Variants in RIMS1 observed in about 807,000 individuals in gnomAD.
RIMS1 encodes regulating synaptic membrane exocytosis protein 1.
RIMS1 carries 83 observed loss-of-function variants against 214.1 expected under a neutral mutation model. The ratio of observed to expected loss-of-function variants is 0.39; its 90% CI spans 0.32 to 0.47. RIMS1 has a LOEUF of 0.47. Among genes scored for constraint, RIMS1 ranks in the 20% least tolerant of loss-of-function variants. The pLI is 0.99. For synonymous variants in RIMS1, 793 were observed against 786.8 expected (o/e 1.01, Z -0.13); for missense variants, 2,050 against 2,161.8 (o/e 0.95, Z 1.03).
At chr6:72,108,276 AC>A (rs1485769743) in intron 4 of RIMS1, among the ~76,000 whole-genome samples, 1 of 151,530 alleles carries the variant, frequency 6.6e-6, no homozygotes, top group Non-Finnish European at 1.5e-5. Context: ...GTATGTGGAG[AC>A]TGGGGTTTTA....
At chr6:72,298,970 A>C (rs928997100) in intron 26 of RIMS1, among the ~76,000 whole-genome samples, 1 of 151,928 alleles carries the variant, frequency 6.6e-6, no homozygotes, top group Admixed American at 6.6e-5. Flanking sequence ...TCCCTCTTTT[A>C]TGTTGAAAGC....
At chr6:72,335,757 T>C (rs914629834) in intron 29 of RIMS1, among the ~76,000 whole-genome samples, 2 of 152,034 alleles carry the variant, frequency 1.3e-5, no homozygotes, top group Admixed American at 6.6e-5. Flanking sequence ...TTTATAATGA[T>C]TGCCATTCTA....
At chr6:71,971,910 G>C (rs1795958934) in intron 2 of RIMS1, among the ~76,000 whole-genome samples, 2 of 152,164 alleles carry the variant, frequency 1.3e-5, no homozygotes, top group Non-Finnish European at 2.9e-5. Flanking sequence ...CAGATGGACA[G>C]TGGTGAGTTC....
intron 28 of RIMS1, among the ~76,000 whole-genome samples, chr6:72,318,453 A>T (rs2095945477): frequency 6.6e-6 from 1 of 152,166 alleles, no homozygotes; most frequent in Admixed American, 6.5e-5. Context: ...AGGAAAAAAA[A>T]TGACTGTCAT....
At chr6:72,120,447 G>A (rs1172800452) in intron 4 of RIMS1, among the ~76,000 whole-genome samples, 1 of 151,992 alleles carries the variant, frequency 6.6e-6, no homozygotes, top group Non-Finnish European at 1.5e-5. Flanking sequence ...CTGCATAAAC[G>A]TCTTCTTTTG....
At chr6:72,177,854 C>A (rs895650266) in intron 4 of RIMS1, among the ~76,000 whole-genome samples, 1 of 152,124 alleles carries the variant, frequency 6.6e-6, no homozygotes, top group Non-Finnish European at 1.5e-5. Flanking sequence ...TTAATGTTAC[C>A]CTTAATATGT....
chr6:72,244,068 TA>T (rs1431263562), intron 10 of RIMS1, among the ~76,000 whole-genome samples: 1 of 151,500 alleles, frequency 6.6e-6, no homozygotes, highest in Non-Finnish European at 1.5e-5. Flanking sequence ...CAACTATAAT[TA>T]AAGGAAAAAG....
intron 3 of RIMS1, among the ~76,000 whole-genome samples, chr6:72,098,663 T>G (rs1252865832): frequency 1.3e-5 from 2 of 152,216 alleles, no homozygotes; most frequent in African/African-American, 4.8e-5. Flanking sequence ...ATAACTTCTC[T>G]GAACAGTTTC....
At chr6:72,315,236 T>G (rs2095710221) in intron 28 of RIMS1, among the ~76,000 whole-genome samples, 1 of 151,982 alleles carries the variant, frequency 6.6e-6, no homozygotes, top group African/African-American at 2.4e-5. Flanking sequence ...AGATAGAGGA[T>G]TTTTTTGCTT....
In RIMS1 at chr6:72,336,773, A is replaced by G. The variant is rs141337292; in HGVS notation, c.4366+2938A>G. On this transcript the variant is annotated intron_variant, in intron 29 of 33. Transcript: ENST00000521978. Reference sequence around the variant, plus strand: ...CAAGTGACAAATGTTGATAACCCTCAATTATCACTCCTCTTTGTTTTAGTG... The same window carrying G: ...CAAGTGACAAATGTTGATAACCCTCGATTATCACTCCTCTTTGTTTTAGTG... Among the ~76,000 whole-genome samples, 186 of 151,876 alleles carry G rather than the reference A, an allele frequency of 1.2e-3. 1 individual carries two copies. The highest frequency in any genetic ancestry group is 4.2e-3 in the African/African-American group (175 of 41,510).
At chr6:72,135,025 T>C (rs1239965499) in intron 4 of RIMS1, among the ~76,000 whole-genome samples, 2 of 152,072 alleles carry the variant, frequency 1.3e-5, no homozygotes, top group South Asian at 2.1e-4. Context: ...ATAATAAATA[T>C]ATAATGCAGA....
chr6:72,003,660 C>G (rs192126975), intron 2 of RIMS1, among the ~76,000 whole-genome samples: 1 of 151,572 alleles, frequency 6.6e-6, no homozygotes, highest in Admixed American at 6.6e-5. Flanking sequence ...TAAGAATTTA[C>G]GTAGACTCTC....
chr6:71,893,920 T>G (rs1356956661), intron 1 of RIMS1, among the ~76,000 whole-genome samples: 1 of 152,232 alleles, frequency 6.6e-6, no homozygotes, highest in African/African-American at 2.4e-5. Flanking sequence ...CCTGCTATTA[T>G]TATGTATGGT....
chr6:72,014,607 A>AT (rs930170906), intron 2 of RIMS1, among the ~76,000 whole-genome samples: 3 of 151,684 alleles, frequency 2.0e-5, no homozygotes, highest in South Asian at 2.1e-4. Flanking sequence ...TTTGTTTTCA[A>AT]TTTTTTTTGA....
At chr6:72,213,008 G>A in intron 6 of RIMS1, 5 of 1,488,278 alleles carry the variant, frequency 3.4e-6, no homozygotes, top group Non-Finnish European at 4.5e-6. Context: ...GATATAAGCA[G>A]AGTGATGAAG....
At chr6:72,378,833 C>T (rs1419173428) in intron 29 of RIMS1, among the ~76,000 whole-genome samples, 2 of 151,970 alleles carry the variant, frequency 1.3e-5, no homozygotes, top group East Asian at 1.9e-4. Context: ...AGTGAGACGC[C>T]GTCTCAAAAG....
intron 1 of RIMS1, among the ~76,000 whole-genome samples, chr6:71,921,108 C>A (rs1045415474): frequency 1.3e-5 from 2 of 152,058 alleles, no homozygotes; most frequent in Non-Finnish European, 2.9e-5. Flanking sequence ...AAACTCTGGT[C>A]TTCAATACAA....
intron 29 of RIMS1, among the ~76,000 whole-genome samples, chr6:72,360,464 T>C (rs933749664): frequency 7.2e-5 from 11 of 152,146 alleles, no homozygotes; most frequent in African/African-American, 2.7e-4. Context: ...GGGTCTACAG[T>C]ACACTGTTAT....
Position 72,245,818 on chromosome 6 carries a change from C to G in RIMS1, c.2085C>G (p.Asp695Glu), listed in dbSNP as rs1272286976. 2.5e-5 allele frequency: 40 copies of G among 1,608,680 alleles called. No homozygotes were observed. The highest frequency in any genetic ancestry group is 3.4e-5 in the Non-Finnish European group (40 of 1,175,408). The change falls in exon 11 of 34, where the codon GAC becomes GAG. Residue 695 changes from aspartate (D) to glutamate (E), a missense_variant. Around this residue, in one of 6 missense-constraint regions of RIMS1, gnomAD observed 111 missense variants for 166.2 expected, o/e 0.67. Coordinates refer to ENST00000521978, the MANE Select transcript of RIMS1 (RefSeq NM_014989.7). Reference protein sequence around the residue: ...VEIIVSRPIGDIPRIPESSHP... With the variant: ...VEIIVSRPIGEIPRIPESSHP... ...CACCATATCCTGTTTCTTTTAGTGA[C>G]ATTCCCCGGATTCCTGAGAGCTCCC...
Sources: allele counts gnomAD v4.1 joint callset (sites outside exome capture counted in the v4.1 genomes callset), GRCh38; gene constraint gnomAD v4.1.1; regional missense constraint gnomAD v4.1.1; transcripts MANE v1.5; gene names NCBI Gene and HGNC (gene_info 2026-07-23, HGNC 2026-07-21).